Variants in MDGA2 observed in about 807,000 individuals in gnomAD.
The protein encoded by MDGA2 is MAM domain containing glycosylphosphatidylinositol anchor 2.
In MDGA2, 40 loss-of-function variants were observed where a neutral mutation model predicts 117.8. The observed-to-expected ratio is 0.34, with a 90% CI of 0.26 to 0.44. The LOEUF is 0.44. Ranked by LOEUF, MDGA2 falls within the 20% of genes least tolerant of loss-of-function variation. The probability of loss-of-function intolerance (pLI) is 1.00; values close to 1 mark genes in which losing one functional copy is unlikely to be tolerated. For synonymous variants in MDGA2, 452 were observed against 439.0 expected, an observed-to-expected ratio of 1.03 and a Z score of -0.37; for missense variants, 1,123 against 1,250.6, an observed-to-expected ratio of 0.90 and a Z score of 1.54.
chr14:47,498,828 T>G (rs1305731073), intron 1 of MDGA2, among the ~76,000 whole-genome samples: 2 of 152,164 alleles, frequency 1.3e-5, no homozygotes, highest in Non-Finnish European at 2.9e-5. Flanking sequence ...CATAGCAGTT[T>G]TTGGCATATA....
intron 1 of MDGA2, among the ~76,000 whole-genome samples, chr14:47,383,257 A>C (rs1178419239): frequency 6.6e-6 from 1 of 152,156 alleles, no homozygotes; most frequent in Non-Finnish European, 1.5e-5. Flanking sequence ...ATGATGAGTT[A>C]ATGGGTGCAG....
rs189319924 is a variant in MDGA2 at position 47,316,820 on chromosome 14, T to C, written c.281-15270A>G. Among the ~76,000 whole-genome samples, 287 of 152,204 alleles carry C rather than the reference T, an allele frequency of 1.9e-3. 3 individuals are homozygous for C. Among genetic ancestry groups the C allele is most frequent in the Non-Finnish European group, 8.8e-4 (60 of 67,964 alleles). On this transcript the variant is annotated intron_variant, in intron 1 of 16. Coordinates refer to ENST00000399232, the MANE Select transcript of MDGA2 (RefSeq NM_001113498.3). ...TAAAATGGCATTTTCCATACTGAAA[T>C]TTCAATACCTAAAATGAATAGTCAA... is the stretch of plus-strand genomic sequence containing the variant.
intron 10 of MDGA2, among the ~76,000 whole-genome samples, chr14:46,894,152 C>G (rs970226948): frequency 3.3e-5 from 5 of 151,972 alleles, no homozygotes; most frequent in African/African-American, 7.2e-5. Context: ...TAATTTAAAT[C>G]TTATAAAAAA....
chr14:46,874,409 A>G (rs925879282), intron 12 of MDGA2, among the ~76,000 whole-genome samples: 1 of 151,900 alleles, frequency 6.6e-6, no homozygotes, highest in South Asian at 2.1e-4. Flanking sequence ...ATGTAAATTA[A>G]TATCTTATTG....
intron 9 of MDGA2, among the ~76,000 whole-genome samples, chr14:46,940,941 CATTT>C (rs1196334750): frequency 6.6e-6 from 1 of 152,136 alleles, no homozygotes; most frequent in Non-Finnish European, 1.5e-5. Context: ...CTTCTAGGAA[CATTT>C]ATTTTCTGCA....
intron 2 of MDGA2, among the ~76,000 whole-genome samples, chr14:47,233,562 T>C (rs1325021005): frequency 6.6e-6 from 1 of 152,096 alleles, no homozygotes; most frequent in Non-Finnish European, 1.5e-5. Flanking sequence ...CTTCATGTGA[T>C]ATGTAGTATG....
chr14:47,427,579 C>T (rs1892716635), intron 1 of MDGA2, among the ~76,000 whole-genome samples: 2 of 152,098 alleles, frequency 1.3e-5, no homozygotes, highest in Admixed American at 1.3e-4. Context: ...TATCTTTTTG[C>T]AACATTCTCA....
intron 1 of MDGA2, among the ~76,000 whole-genome samples, chr14:47,494,932 T>C (rs1894249403): frequency 6.7e-6 from 1 of 149,912 alleles, no homozygotes; most frequent in South Asian, 2.1e-4. Context: ...ATATATATTT[T>C]ACATATACAC....
intron 1 of MDGA2, among the ~76,000 whole-genome samples, chr14:47,617,947 ATAAC>A (rs1896977479): frequency 6.6e-6 from 1 of 152,162 alleles, no homozygotes; most frequent in South Asian, 2.1e-4. Context: ...TTCTTAATAA[ATAAC>A]TTTTTAATTA....
At chr14:46,864,930 G>A (rs1454808075) in intron 14 of MDGA2, among the ~76,000 whole-genome samples, 1 of 151,892 alleles carries the variant, frequency 6.6e-6, no homozygotes, top group Non-Finnish European at 1.5e-5. Flanking sequence ...TTATTCCACT[G>A]AGATTCTCCT....
At chr14:47,323,338 C>T (rs1487725783) in intron 1 of MDGA2, among the ~76,000 whole-genome samples, 1 of 151,614 alleles carries the variant, frequency 6.6e-6, no homozygotes, top group African/African-American at 2.4e-5. Context: ...ACATAAAAGA[C>T]AAACAGTCCA....
chr14:47,385,124 A>T (rs187522593), intron 1 of MDGA2, among the ~76,000 whole-genome samples: 3 of 152,298 alleles, frequency 2.0e-5, no homozygotes, highest in African/African-American at 7.2e-5. Flanking sequence ...TATGATGTAT[A>T]TCTAATAATA....
intron 14 of MDGA2, among the ~76,000 whole-genome samples, chr14:46,863,270 C>T (rs931801363): frequency 1.1e-4 from 17 of 152,124 alleles, no homozygotes; most frequent in South Asian, 2.1e-4. Context: ...TGTTCACCCA[C>T]GCCATGGGCT....
At chr14:47,424,362 A>G (rs1183831068) in intron 1 of MDGA2, among the ~76,000 whole-genome samples, 3 of 151,856 alleles carry the variant, frequency 2.0e-5, no homozygotes, top group African/African-American at 7.3e-5. Context: ...GATGCAGGCT[A>G]CAGTGAACCA....
intron 2 of MDGA2, among the ~76,000 whole-genome samples, chr14:47,286,200 A>G (rs1249158013): frequency 6.6e-6 from 1 of 152,090 alleles, no homozygotes; most frequent in Non-Finnish European, 1.5e-5. Flanking sequence ...AGTAACAATC[A>G]CCTCATTTAT....
chr14:47,503,719 ACTTTACC>A (rs1307776334), intron 1 of MDGA2, among the ~76,000 whole-genome samples: 1 of 152,006 alleles, frequency 6.6e-6, no homozygotes, highest in Non-Finnish European at 1.5e-5. Context: ...TACTATCTTA[ACTTTACC>A]CTTGCTTCTT....
At chr14:47,633,831 A>C (rs1188283674) in intron 1 of MDGA2, among the ~76,000 whole-genome samples, 1 of 152,136 alleles carries the variant, frequency 6.6e-6, no homozygotes, top group African/African-American at 2.4e-5. Context: ...ACCTTCAAAA[A>C]TACTTCCTGT....
chr14:47,310,448 G>A (rs2900000), intron 1 of MDGA2, among the ~76,000 whole-genome samples: 13,546 of 152,126 alleles, frequency 0.089, 732 homozygotes, highest in Non-Finnish European at 0.11. Flanking sequence ...CTGAACCTGG[G>A]AGATATTTGA....
chr14:47,312,688 GTTTTGT>G (rs201964947), intron 1 of MDGA2, among the ~76,000 whole-genome samples: 13,061 of 104,272 alleles, frequency 0.13, 792 homozygotes, highest in Non-Finnish European at 0.14. Flanking sequence ...TTTTTTTTTT[GTTTTGT>G]TTTGTTTTTT....
Sources: allele counts gnomAD v4.1 joint callset (sites outside exome capture counted in the v4.1 genomes callset), GRCh38; gene constraint gnomAD v4.1.1; transcripts MANE v1.5; gene names NCBI Gene and HGNC (gene_info 2026-07-23, HGNC 2026-07-21).